The following FAM76A variants were observed in gnomAD, a reference collection of about 807,000 sequenced individuals.
The protein encoded by FAM76A is family with sequence similarity 76 member A, also known as protein FAM76A.
A neutral mutation model predicts 46.2 loss-of-function variants in FAM76A; 32 were observed. The observed-to-expected ratio is 0.69, with a 90% CI of 0.52 to 0.93. FAM76A has a LOEUF of 0.93. Among genes scored for constraint, FAM76A ranks in the 40% least tolerant of loss-of-function variants. The probability of loss-of-function intolerance (pLI) is 0.00; values close to 1 mark genes in which losing one functional copy is unlikely to be tolerated. For synonymous variants in FAM76A, 137 were observed against 127.0 expected, an observed-to-expected ratio of 1.08 and a Z score of -0.53; for missense variants, 274 against 361.5, an observed-to-expected ratio of 0.76 and a Z score of 1.96.
chr1:27,730,256 G>A (rs1933887), intron 2 of FAM76A: 3,137 of 194,010 alleles, frequency 0.016, 33 homozygotes, highest in Middle Eastern at 0.028. Context: ...GCACGATCTC[G>A]GCTCACTGCA....
At position 27,761,405 on chromosome 1, in the gene FAM76A, T is replaced by C. The variant is rs1046786311; in HGVS notation, c.*824T>C. ...AGCTAAGTGCCTTTTGGAGGATTTCTTGGAAGAGCATTTATGGAGATACTT... is the reference window on the plus strand; with the variant it reads ...AGCTAAGTGCCTTTTGGAGGATTTCCTGGAAGAGCATTTATGGAGATACTT... On this transcript the variant is annotated 3_prime_UTR_variant, in exon 9 of 9. Coordinates refer to ENST00000373954, the MANE Select transcript of FAM76A (RefSeq NM_152660.3). The C allele has an allele frequency of 3.3e-5, 5 of 152,610 alleles. No homozygotes were observed. The highest frequency in any genetic ancestry group is 6.5e-5 in the Admixed American group (1 of 15,272). The allele number at this position is 152,610 out of a possible 1,614,324, so 9.5% of individuals were successfully genotyped here. A position where few individuals can be genotyped will look rare whatever the true frequency, so the allele number is the denominator to read the frequency against.
intron 4 of FAM76A, among the ~76,000 whole-genome samples, chr1:27,738,578 C>G (rs996024362): frequency 2.0e-5 from 3 of 152,052 alleles, no homozygotes; most frequent in Non-Finnish European, 4.4e-5. Flanking sequence ...TTTCAAAGTT[C>G]ATTGTTACGT....
In FAM76A at chr1:27,731,079, A is replaced by T. The variant is rs78506548; in HGVS notation, c.147-1524A>T. On this transcript the variant is annotated intron_variant, in intron 2 of 8. Coordinates refer to ENST00000373954, the MANE Select transcript of FAM76A (RefSeq NM_152660.3). Reference sequence around the variant, plus strand: ...TGAAGAGTTAGACTTTTATTTGAAGATGATTTTTCCCCCGGGCAGCTTTAT... The same window carrying T: ...TGAAGAGTTAGACTTTTATTTGAAGTTGATTTTTCCCCCGGGCAGCTTTAT... Among the ~76,000 whole-genome samples, 683 of 152,150 alleles carry T rather than the reference A, an allele frequency of 4.5e-3. 11 individuals carry two copies. Among genetic ancestry groups the T allele is most frequent in the African/African-American group, 0.016 (651 of 41,500 alleles).
chr1:27,750,150 T>C (rs924830960), intron 6 of FAM76A, among the ~76,000 whole-genome samples: 1 of 152,208 alleles, frequency 6.6e-6, no homozygotes, highest in Non-Finnish European at 1.5e-5. Context: ...TTCACAGTTC[T>C]CCTTCCCAGC....
At position 27,726,026 on chromosome 1, in the gene FAM76A, T is replaced by C; in HGVS notation, c.-55T>C. On this transcript the variant is annotated 5_prime_UTR_variant, in exon 1 of 9. Coordinates refer to ENST00000373954, the MANE Select transcript of FAM76A (RefSeq NM_152660.3). ...CGCCGCCGGGTTGTGCCTCAGACTG[T>C]CAGATAAATCGGCGGGCCGGGCCGG... The C allele has an allele frequency of 1.6e-6, 2 of 1,241,514 alleles. No homozygotes were observed. Among genetic ancestry groups the C allele is most frequent in the African/African-American group, 1.6e-5 (1 of 63,964 alleles). 76.9% of individuals were successfully genotyped at this position (1,241,514 alleles called of 1,614,324 possible). A position where few individuals can be genotyped will look rare whatever the true frequency, so the allele number is the denominator to read the frequency against.
chr1:27,755,121 C>CTAG, intron 6 of FAM76A, 74 bp from the exon 7 acceptor site: 2 of 1,553,354 alleles, frequency 1.3e-6, no homozygotes, highest in Non-Finnish European at 8.8e-7. Flanking sequence ...GACAAGTGGT[C>CTAG]TAGGATGCAT....
intron 5 of FAM76A, 30 bp downstream of exon 5, chr1:27,744,841 G>C (rs759028773): frequency 6.2e-7 from 1 of 1,602,378 alleles, no homozygotes; most frequent in Admixed American, 1.7e-5. Flanking sequence ...GATGGGACTA[G>C]AAGTGCTGGT....
chr1:27,745,359 C>T (rs1184185471), intron 5 of FAM76A, among the ~76,000 whole-genome samples: 1 of 151,978 alleles, frequency 6.6e-6, no homozygotes, highest in Non-Finnish European at 1.5e-5. Flanking sequence ...AGTATTACCT[C>T]AAGGGGTTGT....
intron 4 of FAM76A, among the ~76,000 whole-genome samples, chr1:27,741,558 A>T (rs7550270): frequency 0.17 from 26,239 of 151,596 alleles, 6,004 homozygotes; most frequent in African/African-American, 0.52. Context: ...TATAAAAAAA[A>T]TTTTTTTTCC....
chr1:27,748,104 A>G (rs1472388376), intron 5 of FAM76A, among the ~76,000 whole-genome samples: 1 of 151,032 alleles, frequency 6.6e-6, no homozygotes, highest in Admixed American at 6.6e-5. Context: ...CATGTGAGAC[A>G]GTAAATGTAA....
Position 27,744,802 on chromosome 1 carries a change from A to G in FAM76A, c.503A>G (p.His168Arg). The stretch of plus-strand genomic sequence containing the variant: ...TATAGTCGCCTGAGTGGTGGTGGCC[A>G]TTATAACAGGTAACCTCAAGACACA... ...EQYSRLSGGGHYNSQKTLSTS... is the reference protein window; with the variant it reads ...EQYSRLSGGGRYNSQKTLSTS... Residue 168 changes from histidine to arginine, a missense_variant, in exon 5 of 9, where the codon CAT (histidine) becomes CGT (arginine). Transcript: ENST00000373954. 1 of 1,614,040 alleles carries G rather than the reference A, an allele frequency of 6.2e-7. No homozygotes were observed. Among genetic ancestry groups the G allele is most frequent in the Non-Finnish European group, 8.5e-7 (1 of 1,179,930 alleles).
At chr1:27,740,567 G>T in intron 4 of FAM76A, 1 of 1,035,156 alleles carries the variant, frequency 9.7e-7, no homozygotes, top group Admixed American at 1.8e-5. Flanking sequence ...CCCCAGATCT[G>T]TGATTGACTT....
intron 4 of FAM76A, among the ~76,000 whole-genome samples, chr1:27,743,469 A>G (rs2088189371): frequency 6.6e-6 from 1 of 152,118 alleles, no homozygotes; most frequent in Non-Finnish European, 1.5e-5. Context: ...AAATTTTGTC[A>G]TTTTTTAAAA....
rs1354078200 is a variant in FAM76A, at chr1:27,744,658, A to G, written c.359A>G (p.Asp120Gly). Residue 120 changes from aspartate (D) to glycine (G), a missense_variant, in exon 5 of 9, where the codon GAT becomes GGT. Physicochemically the swap from Asp to Gly is moderately conservative, Grantham distance 94. Transcript: ENST00000373954. ...FDRKDDRKKV[D>G]GKLLCWLCTL... ...CTTTGTCTCCTTGTCTTTCAGGTAGATGGGAAATTGCTGTGCTGGCTGTGC... is the reference window on the plus strand; with the variant it reads ...CTTTGTCTCCTTGTCTTTCAGGTAGGTGGGAAATTGCTGTGCTGGCTGTGC... The G allele has an allele frequency of 1.2e-6, 2 of 1,613,856 alleles. No homozygotes were observed. The highest frequency in any genetic ancestry group is 1.7e-6 in the Non-Finnish European group (2 of 1,179,866).
At chr1:27,736,879 G>A (rs1393017529) in intron 4 of FAM76A, among the ~76,000 whole-genome samples, 4 of 151,798 alleles carry the variant, frequency 2.6e-5, no homozygotes, top group Admixed American at 2.0e-4. Context: ...AGCCCACCTC[G>A]GCCTCCCAAA....
intron 4 of FAM76A, 127 bp downstream of exon 4, chr1:27,734,310 G>A: frequency 3.3e-6 from 3 of 907,560 alleles, no homozygotes; most frequent in Non-Finnish European, 4.7e-6. Flanking sequence ...CACTTTGGGA[G>A]GCCGAGGCTA....
At chr1:27,732,000 T>G (rs935452361) in intron 2 of FAM76A, among the ~76,000 whole-genome samples, 9 of 152,024 alleles carry the variant, frequency 5.9e-5, no homozygotes, top group African/African-American at 2.2e-4. Context: ...TTTTGTATTT[T>G]TAGTAGAGAT....
intron 5 of FAM76A, among the ~76,000 whole-genome samples, chr1:27,747,018 G>A (rs2088252150): frequency 1.3e-5 from 2 of 152,108 alleles, no homozygotes; most frequent in African/African-American, 4.8e-5. Context: ...GAGGCTTGCT[G>A]TGAGCCATGA....
At position 27,759,584 on chromosome 1, in the gene FAM76A, A is replaced by T. The variant is rs2088468885; in HGVS notation, c.794A>T (p.Asn265Ile). The T allele has an allele frequency of 6.2e-7, 1 of 1,613,890 alleles. No homozygotes were observed. The highest frequency in any genetic ancestry group is 8.5e-7 in the Non-Finnish European group (1 of 1,179,954). ...YQESQMRAKM[N>I]QMEKTHKEVT... The stretch of plus-strand genomic sequence containing the variant: ...GAATCGCAGATGAGAGCCAAAATGA[A>T]CCAGATGGAGAAAACCCACAAAGAA... Residue 265 changes from asparagine (N) to isoleucine (I), a missense_variant, in exon 8 of 9, where the codon AAC becomes ATC. Transcript: ENST00000373954.
Sources: allele counts gnomAD v4.1 joint callset (sites outside exome capture counted in the v4.1 genomes callset), GRCh38; gene constraint gnomAD v4.1.1; transcripts MANE v1.5; gene names NCBI Gene and HGNC (gene_info 2026-07-23, HGNC 2026-07-21).